Variants in ST3GAL3 observed in about 807,000 individuals in gnomAD.
ST3GAL3 encodes the protein ST3 beta-galactoside alpha-2,3-sialyltransferase 3.
In ST3GAL3, 21 loss-of-function variants were observed where a neutral mutation model predicts 50.1. That is an observed-to-expected ratio of 0.42 (90% CI 0.30 to 0.60). The LOEUF (loss-of-function observed/expected upper bound fraction) is 0.60, where lower values mean the gene tolerates loss of function less well. ST3GAL3 is among the 20% of genes least tolerant of loss of function. ST3GAL3 has a pLI of 0.19. For synonymous variants in ST3GAL3, 183 were observed against 190.0 expected (o/e 0.96, Z 0.30); for missense variants, 353 against 489.4 (o/e 0.72, Z 2.63).
chr1:43,918,218 C>T (rs796314809), intron 9 of ST3GAL3, among the ~76,000 whole-genome samples: 10 of 147,936 alleles, frequency 6.8e-5, no homozygotes, highest in South Asian at 2.1e-4. Flanking sequence ...TCCAGGGCTC[C>T]GGCAGTCCTC....
intron 3 of ST3GAL3, chr1:43,801,493 G>A (rs1400288665): frequency 4.9e-6 from 2 of 411,482 alleles, no homozygotes; most frequent in Non-Finnish European, 9.8e-6. Context: ...TTTTGTCCTG[G>A]AACAGGATGT....
At chr1:43,784,709 G>A (rs1311941505) in intron 2 of ST3GAL3, among the ~76,000 whole-genome samples, 1 of 152,174 alleles carries the variant, frequency 6.6e-6, no homozygotes, top group African/African-American at 2.4e-5. Context: ...ATTAATGAAA[G>A]TTAAGGAGAA....
intron 2 of ST3GAL3, among the ~76,000 whole-genome samples, chr1:43,762,680 T>C (rs1022855539): frequency 1.3e-5 from 2 of 152,160 alleles, no homozygotes; most frequent in African/African-American, 4.8e-5. Context: ...CATAAGCATA[T>C]ATATTATATA....
At chr1:43,713,572 C>T (rs1665834754) in intron 1 of ST3GAL3, among the ~76,000 whole-genome samples, 1 of 136,012 alleles carries the variant, frequency 7.4e-6, no homozygotes, top group South Asian at 2.4e-4. Flanking sequence ...ATCACCCAGG[C>T]TGGAGTGCAC....
chr1:43,929,938 G>A lies in ST3GAL3; in HGVS notation c.1039-194G>A, dbSNP rs550229379. The A allele has an allele frequency of 8.1e-5, 60 of 741,790 alleles. No individual in the cohort carries two copies. In the East Asian group the frequency reaches 1.4e-3, roughly 17 times the overall value. The allele number at this position is 741,790 out of a possible 1,614,324, so 46.0% of individuals were successfully genotyped here. A position where few individuals can be genotyped will look rare whatever the true frequency, so the allele number is the denominator to read the frequency against. ...TTCTTTTTTCCCTGTCTTGGGAAGGGAGGAGGATGAGCTGTGGCACTCCTA... is the reference window on the plus strand; with the variant it reads ...TTCTTTTTTCCCTGTCTTGGGAAGGAAGGAGGATGAGCTGTGGCACTCCTA... On this transcript the variant is annotated intron_variant, in intron 11 of 11. Coordinates refer to ENST00000347631, the MANE Select transcript of ST3GAL3 (RefSeq NM_006279.5).
chr1:43,777,798 A>G (rs1490945344), intron 2 of ST3GAL3, among the ~76,000 whole-genome samples: 1 of 152,218 alleles, frequency 6.6e-6, no homozygotes, highest in Non-Finnish European at 1.5e-5. Context: ...AACAAAATAA[A>G]CTATCATCAG....
intron 4 of ST3GAL3, among the ~76,000 whole-genome samples, chr1:43,817,551 T>C (rs989259214): frequency 1.9e-5 from 2 of 104,632 alleles, no homozygotes; most frequent in Admixed American, 1.8e-4. Flanking sequence ...TCCTTCTTCT[T>C]CTTCTCCTTC....
At chr1:43,852,652 T>A (rs1010679583) in intron 5 of ST3GAL3, among the ~76,000 whole-genome samples, 8 of 152,208 alleles carry the variant, frequency 5.3e-5, no homozygotes, top group African/African-American at 1.9e-4. Context: ...GATAAGACAC[T>A]CTTTTAGTGG....
chr1:43,866,994 G>A (rs923862526), intron 5 of ST3GAL3, among the ~76,000 whole-genome samples: 1 of 152,212 alleles, frequency 6.6e-6, no homozygotes, highest in Admixed American at 6.5e-5. Context: ...GCCAGGCATA[G>A]TGGCGCGTGT....
chr1:43,780,685 G>A (rs6680338), intron 2 of ST3GAL3, among the ~76,000 whole-genome samples: 136,405 of 151,168 alleles, frequency 0.9, 61,827 homozygotes, highest in African/African-American at 0.97. Flanking sequence ...TATTTCTGCT[G>A]TTATGTGTTT....
intron 2 of ST3GAL3, among the ~76,000 whole-genome samples, chr1:43,760,511 T>C (rs1276287496): frequency 1.3e-5 from 2 of 152,212 alleles, no homozygotes; most frequent in African/African-American, 4.8e-5. Flanking sequence ...ATCCCAGCAC[T>C]TTGGGAGGCC....
intron 1 of ST3GAL3, among the ~76,000 whole-genome samples, chr1:43,715,574 T>TAA (rs112767823): frequency 7.2e-6 from 1 of 138,492 alleles, no homozygotes. Context: ...AGACTCTGTC[T>TAA]AAAAAAAAAA....
chr1:43,930,236 T>C lies in ST3GAL3; in HGVS notation c.*15T>C. 1 of 1,612,018 alleles carries C rather than the reference T, an allele frequency of 6.2e-7. No individual in the cohort carries two copies. Among genetic ancestry groups the C allele is most frequent in the Non-Finnish European group, 8.5e-7 (1 of 1,179,214 alleles). On this transcript the variant is annotated 3_prime_UTR_variant, in exon 12 of 12. Coordinates refer to ENST00000347631, the MANE Select transcript of ST3GAL3 (RefSeq NM_006279.5). ...GTGGCATCTGAGTGGGCCCAGCACA[T>C]GGCCATAGAGGCCCAGGCACCACCA...
At chr1:43,889,389 T>C (rs1173383959) in intron 5 of ST3GAL3, among the ~76,000 whole-genome samples, 2 of 152,222 alleles carry the variant, frequency 1.3e-5, no homozygotes, top group African/African-American at 2.4e-5. Flanking sequence ...GGCAAAACTC[T>C]ATATCATCAT....
At chr1:43,803,534 G>A (rs778816766) in intron 3 of ST3GAL3, among the ~76,000 whole-genome samples, 5 of 152,310 alleles carry the variant, frequency 3.3e-5, no homozygotes, top group South Asian at 4.1e-4. Context: ...GACCAACGGT[G>A]TCATTTTCTT....
chr1:43,892,570 G>A (rs1337253290), intron 5 of ST3GAL3, among the ~76,000 whole-genome samples: 2 of 151,936 alleles, frequency 1.3e-5, no homozygotes, highest in Middle Eastern at 6.8e-3. Flanking sequence ...AAATTAACAC[G>A]ATACAGGTTG....
At chr1:43,811,412 A>G (rs543552642) in intron 3 of ST3GAL3, among the ~76,000 whole-genome samples, 39 of 152,240 alleles carry the variant, frequency 2.6e-4, no homozygotes, top group Non-Finnish European at 4.7e-4. Flanking sequence ...GAGTGTTCTG[A>G]TGACCCCTTT....
At chr1:43,719,522 G>A (rs550843937) in intron 1 of ST3GAL3, among the ~76,000 whole-genome samples, 4 of 152,106 alleles carry the variant, frequency 2.6e-5, no homozygotes, top group East Asian at 3.9e-4. Flanking sequence ...CAAATCAGGC[G>A]GGTGTGGTGG....
intron 3 of ST3GAL3, among the ~76,000 whole-genome samples, chr1:43,797,357 G>C (rs2058796173): frequency 6.6e-6 from 1 of 152,130 alleles, no homozygotes; most frequent in African/African-American, 2.4e-5. Flanking sequence ...CTAGTGACTT[G>C]TGGCACAATA....
Sources: gnomAD v4.1 joint callset for allele counts (sites outside exome capture counted in the v4.1 genomes callset) on GRCh38, gnomAD v4.1.1 for gene constraint, MANE v1.5 for transcripts, NCBI Gene and HGNC (gene_info 2026-07-23, HGNC 2026-07-21) for gene names.